Variants in ZNF831 observed in about 807,000 individuals in gnomAD.
ZNF831 encodes the protein chromosome 20 open reading frame 174.
In ZNF831, 59 loss-of-function variants were observed where a neutral mutation model predicts 95.8. The ratio of observed to expected loss-of-function variants is 0.62; its 90% CI spans 0.50 to 0.77. ZNF831 has a LOEUF of 0.77. ZNF831 is among the 30% of genes least tolerant of loss of function. The probability of loss-of-function intolerance (pLI) is 0.00; values close to 1 mark genes in which losing one functional copy is unlikely to be tolerated. For missense variants in ZNF831, 2,205 were observed against 2,164.0 expected, an observed-to-expected ratio of 1.02 and a Z score of -0.38; for synonymous variants, 961 against 925.5, an observed-to-expected ratio of 1.04 and a Z score of -0.70.
chr20:59,140,613 T>C (rs1979649049), intron 1 of ZNF831, among the ~76,000 whole-genome samples: 1 of 152,198 alleles, frequency 6.6e-6, no homozygotes, highest in Admixed American at 6.5e-5. Flanking sequence ...AATGCTAACG[T>C]CTTATTTAAC....
At chr20:59,149,317 A>G (rs1980084785) in intron 2 of ZNF831, among the ~76,000 whole-genome samples, 2 of 152,190 alleles carry the variant, frequency 1.3e-5, no homozygotes, top group Admixed American at 1.3e-4. Flanking sequence ...CCCAGTCTCA[A>G]TGGCAAACTT....
rs557429607 is a variant in ZNF831 at position 59,193,584 on chromosome 20, C to G, written c.2565C>G (p.Ser855=). 3.1e-6 allele frequency: 5 copies of G among 1,610,326 alleles called. No homozygotes were observed. The highest frequency in any genetic ancestry group is 4.2e-6 in the Non-Finnish European group (5 of 1,178,412). The change falls in exon 2 of 6, where the codon TCC becomes TCG. Residue 855 remains serine (S), a synonymous_variant. Transcript: ENST00000371030. ...CCACGCAGCCTGCCTCTTTGTCATC[C>G]CAGAAGCAGGATGCCGATCCCGGGG... ...GGPTQPASLS[S]QKQDADPGEV...
chr20:59,194,129 C>A lies in ZNF831; in HGVS notation c.3110C>A (p.Ala1037Asp), dbSNP rs141051265. The change falls in exon 2 of 6, where the codon GCC becomes GAC. Residue 1037 changes from alanine to aspartate, a missense_variant. Transcript: ENST00000371030. Reference protein sequence around the residue: ...GDRMATSRPAARELPISAPGA... With the variant: ...GDRMATSRPADRELPISAPGA... ...AGGATGGCCACTAGCAGGCCAGCAG[C>A]CAGGGAGTTGCCCATCTCAGCACCA... The A allele has an allele frequency of 1.0e-4, 158 of 1,562,632 alleles. No homozygotes were observed. In the East Asian group the frequency reaches 3.5e-3, roughly 35 times the overall value.
At position 59,208,043 on chromosome 20, in the gene ZNF831, C is replaced by G. The variant is rs766059855; in HGVS notation, c.4027+987C>G. On this transcript the variant is annotated intron_variant, in intron 4 of 5. Transcript: ENST00000371030. This position sits in a 1 kb window ranked among gnomAD's most constrained non-coding sequence, Gnocchi z 4.2. ...CAAGGACATGGAGTAGTCTTGTTTC[C>G]CAGAGAGAATTTAAATCCAGGCAAG... Among the ~76,000 whole-genome samples, 5 of 152,212 alleles carry G rather than the reference C, an allele frequency of 3.3e-5. No homozygotes were observed. The highest frequency in any genetic ancestry group is 7.3e-5 in the Non-Finnish European group (5 of 68,044).
chr20:59,253,487 T>C (rs1418548359), intron 5 of ZNF831, among the ~76,000 whole-genome samples: 2 of 152,030 alleles, frequency 1.3e-5, no homozygotes, highest in African/African-American at 2.4e-5. Context: ...CTAAAATATG[T>C]ATCCAGACCA....
At chr20:59,242,087 A>G (rs1370597920) in intron 4 of ZNF831, among the ~76,000 whole-genome samples, 1 of 152,214 alleles carries the variant, frequency 6.6e-6, no homozygotes, top group Non-Finnish European at 1.5e-5. Context: ...TTCTTTCCTA[A>G]GGTGATTAGA....
intron 1 of ZNF831, among the ~76,000 whole-genome samples, chr20:59,143,720 G>A (rs1979753869): frequency 6.6e-6 from 1 of 152,200 alleles, no homozygotes; most frequent in South Asian, 2.1e-4. Flanking sequence ...TTGGCCCGAG[G>A]ATCAGTCTGA....
intron 4 of ZNF831, among the ~76,000 whole-genome samples, chr20:59,240,344 G>A (rs1987253718): frequency 6.6e-6 from 1 of 152,176 alleles, no homozygotes; most frequent in Non-Finnish European, 1.5e-5. Flanking sequence ...TTGCCAAAGA[G>A]ACTCCTTTTG....
chr20:59,184,211 G>T (rs1982835610), intron 1 of ZNF831, among the ~76,000 whole-genome samples: 1 of 152,072 alleles, frequency 6.6e-6, no homozygotes, highest in South Asian at 2.1e-4. Context: ...CAGCTTATTT[G>T]CTAGCTTATT....
At position 59,254,555 on chromosome 20, in the gene ZNF831, C is replaced by G. The variant is rs1380655526; in HGVS notation, c.4846C>G (p.Gln1616Glu). The G allele has an allele frequency of 6.2e-7, 1 of 1,614,064 alleles. No individual in the cohort carries two copies. The highest frequency in any genetic ancestry group is 2.2e-5 in the East Asian group (1 of 44,860). Residue 1616 changes from glutamine (Q) to glutamate (E), a missense_variant, in exon 6 of 6, where the codon CAG becomes GAG. Physicochemically the swap from Gln to Glu is conservative, Grantham distance 29. Transcript: ENST00000371030. The surrounding 1 kb of genome is among the most constrained non-coding windows in gnomAD (Gnocchi z 4.5). ...PSLGSDGRKR[Q>E]VSGLITRKDS... The stretch of plus-strand genomic sequence containing the variant: ...TTTAGGAAGTGACGGTAGGAAACGT[C>G]AGGTATCTGGATTAATCACTCGGAA...
intron 4 of ZNF831, among the ~76,000 whole-genome samples, chr20:59,224,523 C>T (rs1986312939): frequency 6.6e-6 from 1 of 152,212 alleles, no homozygotes; most frequent in Non-Finnish European, 1.5e-5. Flanking sequence ...CTGTTCTTTG[C>T]ACTTCATCCA....
chr20:59,183,078 T>G (rs967463199), intron 1 of ZNF831, among the ~76,000 whole-genome samples: 1 of 152,132 alleles, frequency 6.6e-6, no homozygotes, highest in African/African-American at 2.4e-5. Flanking sequence ...ATTTACCAAG[T>G]GTGGGCCTGG....
At chr20:59,253,847 T>G (rs775528794) in intron 5 of ZNF831, 51 bp from the exon 6 acceptor site, 1 of 1,477,762 alleles carries the variant, frequency 6.8e-7, no homozygotes, top group Non-Finnish European at 9.0e-7. Context: ...TTTTTCTTTG[T>G]ACCAATTAAC....
chr20:59,159,503 G>T, upstream of ZNF831: 1 of 152,272 alleles, frequency 6.6e-6, no homozygotes, highest in African/African-American at 2.4e-5. Context: ...TAATTGCATG[G>T]GGTGTTCATC....
chr20:59,166,215 G>A (rs892174661), intron 1 of ZNF831, among the ~76,000 whole-genome samples: 4 of 152,160 alleles, frequency 2.6e-5, no homozygotes, highest in African/African-American at 9.6e-5. Context: ...GTGCAGAGTC[G>A]GTGTTTCTCC....
At chr20:59,146,743 G>C (rs759911620) in intron 2 of ZNF831, 1 of 152,200 alleles carries the variant, frequency 6.6e-6, no homozygotes, top group Non-Finnish European at 1.5e-5. Flanking sequence ...CCTATGAAAT[G>C]GTCCTCCATC....
chr20:59,210,404 G>A (rs1985215554), intron 4 of ZNF831, among the ~76,000 whole-genome samples: 1 of 152,150 alleles, frequency 6.6e-6, no homozygotes, highest in South Asian at 2.1e-4. Context: ...TGAGGATTGT[G>A]TTTGTTGGAG....
chr20:59,228,570 C>T (rs760688891), intron 4 of ZNF831, among the ~76,000 whole-genome samples: 38 of 152,226 alleles, frequency 2.5e-4, no homozygotes, highest in South Asian at 6.2e-4. Context: ...GACCAGCCAA[C>T]GGGGGTGAAA....
In ZNF831 at chr20:59,192,709, C is replaced by T. The variant is rs754895526; in HGVS notation, c.1690C>T (p.Gln564Ter). 6.3e-7 allele frequency: 1 copy of T among 1,596,992 alleles called. No homozygotes were observed. Among genetic ancestry groups the T allele is most frequent in the South Asian group, 1.1e-5 (1 of 89,292 alleles). The change falls in exon 2 of 6, where the codon CAG becomes TAG. Residue 564 changes from glutamine (Q) to a stop codon, truncating the protein, a stop_gained. Coordinates refer to ENST00000371030, the MANE Select transcript of ZNF831 (RefSeq NM_178457.3). LOFTEE classifies it high-confidence loss of function. The surrounding 1 kb of genome is among the most constrained non-coding windows in gnomAD (Gnocchi z 5.2). ...TGGGCATCCCCGGGCCCTGGTCAGA[C>T]AGGCCGCGGTGGAGGACCTGCCAGG... ...PSGHPRALVR[Q>*]AAVEDLPGTP...
Sources: gnomAD v4.1 joint callset for allele counts (sites outside exome capture counted in the v4.1 genomes callset) on GRCh38, gnomAD v4.1.1 for gene constraint, Gnocchi (gnomAD v3.1) non-coding constraint, MANE v1.5 for transcripts, NCBI Gene and HGNC (gene_info 2026-07-23, HGNC 2026-07-21) for gene names.